NDUFAF6: variants seen among roughly 807,000 people sequenced by gnomAD.
NDUFAF6 encodes NADH dehydrogenase (ubiquinone) complex I, assembly factor 6.
A neutral mutation model predicts 40.8 loss-of-function variants in NDUFAF6; 45 were observed. The ratio of observed to expected loss-of-function variants is 1.10; its 90% CI spans 0.87 to 1.42. NDUFAF6 has a LOEUF of 1.42. Among genes scored for constraint, NDUFAF6 ranks in the 40% most tolerant of loss-of-function variants. The pLI, the probability that NDUFAF6 is intolerant of heterozygous loss-of-function variation, is 0.00. For synonymous variants in NDUFAF6, 185 were observed against 155.9 expected, an observed-to-expected ratio of 1.19 and a Z score of -1.39; for missense variants, 435 against 418.5, an observed-to-expected ratio of 1.04 and a Z score of -0.34.
At chr8:94,989,336 T>C (rs1396929895) in intron 2 of NDUFAF6, 1 of 152,228 alleles carries the variant, frequency 6.6e-6, no homozygotes, top group East Asian at 1.9e-4. Context: ...AAGGAATTTT[T>C]CCAGTGACAG....
chr8:94,955,302 G>A (rs1048601902), upstream of NDUFAF6, among the ~76,000 whole-genome samples: 1 of 152,182 alleles, frequency 6.6e-6, no homozygotes, highest in African/African-American at 2.4e-5. Context: ...ATCCAAGGTC[G>A]ACAGACCCAC....
chr8:94,905,662 T>A (rs1818348777), intron 1 of NDUFAF6, among the ~76,000 whole-genome samples: 2 of 152,340 alleles, frequency 1.3e-5, no homozygotes, highest in South Asian at 4.1e-4. Flanking sequence ...CTGGGTGCCC[T>A]CTAGGCACTC....
downstream of NDUFAF6, among the ~76,000 whole-genome samples, chr8:95,062,519 T>C (rs772453273): frequency 6.6e-5 from 10 of 152,324 alleles, no homozygotes; most frequent in East Asian, 9.6e-4. Context: ...TCCTCTCCAA[T>C]TGGCCACAGG....
At chr8:95,001,500 G>T (rs987895680) in intron 2 of NDUFAF6, among the ~76,000 whole-genome samples, 6 of 152,060 alleles carry the variant, frequency 3.9e-5, no homozygotes, top group Non-Finnish European at 1.5e-5. Flanking sequence ...AGAGGCCAAC[G>T]AACTGGCCTG....
At chr8:95,073,291 G>C (rs923344721) in intron 9 of NDUFAF6, 1 of 152,242 alleles carries the variant, frequency 6.6e-6, no homozygotes, top group Admixed American at 6.5e-5. Context: ...GGCCAAAGCG[G>C]GTCTCCCCGT....
chr8:94,947,635 C>T (rs1037980882), intron 2 of NDUFAF6, among the ~76,000 whole-genome samples: 4 of 152,216 alleles, frequency 2.6e-5, no homozygotes, highest in Non-Finnish European at 5.9e-5. Flanking sequence ...GAAGACTGTT[C>T]AACTAGTGTG....
intron 1 of NDUFAF6, among the ~76,000 whole-genome samples, chr8:94,971,942 C>T (rs1824500542): frequency 6.6e-6 from 1 of 151,998 alleles, no homozygotes; most frequent in Admixed American, 6.6e-5. Flanking sequence ...AAAAAAAACT[C>T]CGTCTCAAAA....
upstream of NDUFAF6, among the ~76,000 whole-genome samples, chr8:95,096,318 G>A (rs745400606): frequency 1.4e-4 from 22 of 152,156 alleles, no homozygotes; most frequent in Non-Finnish European, 3.2e-4. Context: ...TTGGCCTTTT[G>A]GGGAGGTCAG....
downstream of NDUFAF6, among the ~76,000 whole-genome samples, chr8:95,060,017 T>TTTTTTTTTTTTTTGAGA (rs1416006372): frequency 6.6e-6 from 1 of 151,600 alleles, no homozygotes; most frequent in Admixed American, 6.6e-5. Context: ...TTGGTTCCTT[T>TTTTTTTTTTTTTTGAGA]CTAAGGGTCT....
intron 2 of NDUFAF6, among the ~76,000 whole-genome samples, chr8:94,987,455 G>T (rs1055407448): frequency 6.6e-6 from 1 of 152,144 alleles, no homozygotes; most frequent in African/African-American, 2.4e-5. Context: ...CCCCCAAAGA[G>T]GTCCATTGTC....
intron 1 of NDUFAF6, among the ~76,000 whole-genome samples, chr8:94,919,762 C>G (rs914797374): frequency 1.3e-4 from 20 of 152,168 alleles, no homozygotes; most frequent in African/African-American, 4.3e-4. Flanking sequence ...CAGGAGAGCC[C>G]TGATGTTCTC....
intron 1 of NDUFAF6, among the ~76,000 whole-genome samples, chr8:95,026,712 T>A (rs908186584): frequency 1.3e-4 from 20 of 152,198 alleles, no homozygotes; most frequent in African/African-American, 4.6e-4. Flanking sequence ...TAATCACTTT[T>A]AAAAATTTCT....
intron 2 of NDUFAF6, among the ~76,000 whole-genome samples, chr8:95,001,704 T>C (rs1219831371): frequency 2.0e-5 from 3 of 152,234 alleles, no homozygotes; most frequent in Non-Finnish European, 4.4e-5. Flanking sequence ...AATTTGGCTG[T>C]CCAGGGCTGG....
chr8:95,080,930 T>C (rs992495398), downstream of NDUFAF6, among the ~76,000 whole-genome samples: 2 of 152,162 alleles, frequency 1.3e-5, no homozygotes, highest in African/African-American at 4.8e-5. Context: ...ATGTCTCAGT[T>C]CACCCACTGT....
intron 5 of NDUFAF6, 152 bp from the exon 6 acceptor site, chr8:95,046,842 G>A: frequency 1.1e-6 from 1 of 939,270 alleles, no homozygotes; most frequent in East Asian, 2.6e-5. Flanking sequence ...ACTTGTTATT[G>A]TGCCCAGTTT....
rs187740737 is a variant in NDUFAF6 at position 95,037,329 on chromosome 8, C to T, written c.420+1753C>T. Among the ~76,000 whole-genome samples, 514 of 152,326 alleles carry T rather than the reference C, an allele frequency of 3.4e-3. 3 individuals are homozygous for T. The highest frequency in any genetic ancestry group is 0.011 in the African/African-American group (473 of 41,576). On this transcript the variant is annotated intron_variant, in intron 3 of 8. Coordinates refer to ENST00000396124, the MANE Select transcript of NDUFAF6 (RefSeq NM_152416.4). ...AGAGCTATATTTTATAATCAAGGATCTACAGCCATTACAGCTTCAGCCTTG... is the reference window on the plus strand; with the variant it reads ...AGAGCTATATTTTATAATCAAGGATTTACAGCCATTACAGCTTCAGCCTTG...
At chr8:95,111,382 A>G (rs1809995386) in intron 4 of NDUFAF6, among the ~76,000 whole-genome samples, 1 of 152,206 alleles carries the variant, frequency 6.6e-6, no homozygotes, top group Non-Finnish European at 1.5e-5. Flanking sequence ...ATCCTTACTG[A>G]CATATGTATC....
At chr8:94,933,074 T>C (rs898735428) in intron 1 of NDUFAF6, among the ~76,000 whole-genome samples, 1 of 151,952 alleles carries the variant, frequency 6.6e-6, no homozygotes, top group Non-Finnish European at 1.5e-5. Context: ...AAAAATTAGC[T>C]GGAGATGGTG....
At chr8:94,993,206 A>G (rs1053583590) in intron 2 of NDUFAF6, among the ~76,000 whole-genome samples, 4 of 152,102 alleles carry the variant, frequency 2.6e-5, no homozygotes, top group Admixed American at 6.5e-5. Context: ...AAGGATACCA[A>G]TCATATTGGA....
Sources: gnomAD v4.1 joint callset for allele counts (sites outside exome capture counted in the v4.1 genomes callset) on GRCh38, gnomAD v4.1.1 for gene constraint, MANE v1.5 for transcripts, NCBI Gene and HGNC (gene_info 2026-07-23, HGNC 2026-07-21) for gene names.